FRMD5: variants seen among roughly 807,000 people sequenced by gnomAD.
The protein encoded by FRMD5 is FERM domain containing 5.
Under a neutral mutation model 69.0 loss-of-function variants are expected in FRMD5, and 20 were observed. The observed-to-expected ratio is 0.29, with a 90% CI of 0.20 to 0.42. The LOEUF (loss-of-function observed/expected upper bound fraction) is 0.42. Ranked by LOEUF, FRMD5 falls within the 10% of genes least tolerant of loss-of-function variation. The pLI is 1.00. For synonymous variants in FRMD5, 271 were observed against 260.1 expected (o/e 1.04, Z -0.40); for missense variants, 595 against 708.6 (o/e 0.84, Z 1.82).
chr15:44,147,541 T>C (rs1280032008), intron 1 of FRMD5, among the ~76,000 whole-genome samples: 1 of 152,200 alleles, frequency 6.6e-6, no homozygotes, highest in Non-Finnish European at 1.5e-5. Context: ...GGGAATATCA[T>C]TGAGTCTGTA....
intron 5 of FRMD5, among the ~76,000 whole-genome samples, chr15:43,907,527 C>CTT (rs758126629): frequency 3.0e-4 from 42 of 138,796 alleles, no homozygotes; most frequent in Middle Eastern, 3.8e-3. Context: ...CCAGGCCTAG[C>CTT]TTTTTTTTTT....
chr15:43,956,356 C>T (rs1205415362), intron 1 of FRMD5, among the ~76,000 whole-genome samples: 1 of 152,152 alleles, frequency 6.6e-6, no homozygotes, highest in African/African-American at 2.4e-5. Flanking sequence ...AATCAGCTCT[C>T]ATACAAACAG....
rs557052422 is a variant in FRMD5 at position 43,895,983 on chromosome 15, G to A, written c.640-3914C>T. ...AAAGAGGAGGGAATGAGGACAAGGT[G>A]AGAAGTGAAGAGTCAACAGTCACCT... is the stretch of plus-strand genomic sequence containing the variant. On this transcript the variant is annotated intron_variant, in intron 7 of 13. Transcript: ENST00000417257. 2.0e-5 allele frequency among the ~76,000 whole-genome samples: 3 copies of A among 152,314 alleles called. No individual in the cohort carries two copies. In the East Asian group the frequency reaches 5.8e-4, roughly 29 times the overall value.
At position 44,195,097 on chromosome 15, in the gene FRMD5, A is replaced by C; in HGVS notation, c.-43T>G. On this transcript the variant is annotated 5_prime_UTR_variant, in exon 1 of 14. Coordinates refer to ENST00000417257, the MANE Select transcript of FRMD5 (RefSeq NM_032892.5). ...CGGGAGCGACGCGGCGGCGCTGCGG[A>C]CCCTGGACCAGGCGTCCCTCAGCCC... 8.2e-7 allele frequency: 1 copy of C among 1,219,728 alleles called. No homozygotes were observed. Among genetic ancestry groups the C allele is most frequent in the African/African-American group, 1.7e-5 (1 of 60,256 alleles). The allele number at this position is 1,219,728 out of a possible 1,614,324, so 75.6% of individuals were successfully genotyped here. A position where few individuals can be genotyped will look rare whatever the true frequency, so the allele number is the denominator to read the frequency against.
At position 43,873,391 on chromosome 15, in the gene FRMD5, T is replaced by C. The variant is rs2088217964; in HGVS notation, c.*494A>G. On this transcript the variant is annotated 3_prime_UTR_variant, in exon 14 of 14. Coordinates refer to ENST00000417257, the MANE Select transcript of FRMD5 (RefSeq NM_032892.5). ...GTCCCCATTGTCCAGATCCCTGGCC[T>C]GCCCTGCTGAGGCTGCAGTGATGAG... is the stretch of plus-strand genomic sequence containing the variant. 1.6e-5 allele frequency: 23 copies of C among 1,443,332 alleles called. No homozygotes were observed. The South Asian group carries it at 3.4e-4, about 22-fold the overall frequency. 89.4% of individuals were successfully genotyped at this position (1,443,332 alleles called of 1,614,324 possible). A position where few individuals can be genotyped will look rare whatever the true frequency, so the allele number is the denominator to read the frequency against.
intron 1 of FRMD5, among the ~76,000 whole-genome samples, chr15:44,048,804 C>A (rs751061118): frequency 3.2e-4 from 49 of 152,116 alleles, no homozygotes; most frequent in Non-Finnish European, 2.4e-4. Flanking sequence ...AACTCCTAGC[C>A]TCAAGTAATC....
upstream of FRMD5, chr15:44,195,283 GC>G (rs1373305567): frequency 7.8e-6 from 4 of 510,782 alleles, no homozygotes; most frequent in African/African-American, 2.1e-5. Context: ...TCTCCTCGGC[GC>G]CCCAGTGCCC....
intron 12 of FRMD5, among the ~76,000 whole-genome samples, 176 bp downstream of exon 12, chr15:43,884,551 C>T (rs547062808): frequency 1.3e-5 from 2 of 152,194 alleles, no homozygotes; most frequent in Admixed American, 6.5e-5. Context: ...CCCCAGCTCT[C>T]TTATTAAGGG....
chr15:43,886,590 G>C (rs867019156), intron 10 of FRMD5, among the ~76,000 whole-genome samples: 1 of 152,292 alleles, frequency 6.6e-6, no homozygotes. Context: ...CTATGGTACT[G>C]ATCCAACCAG....
chr15:43,902,080 T>C, intron 7 of FRMD5, 95 bp downstream of exon 7: 4 of 863,692 alleles, frequency 4.6e-6, no homozygotes, highest in Non-Finnish European at 7.7e-6. Context: ...CATGTAAACG[T>C]TGAAGGGGGC....
rs76617851 is a variant in FRMD5 at position 43,943,579 on chromosome 15, G to C, written c.103-19270C>G. Among the ~76,000 whole-genome samples, 429 of 152,320 alleles carry C rather than the reference G, an allele frequency of 2.8e-3. 1 individual carries two copies. Among genetic ancestry groups the C allele is most frequent in the African/African-American group, 9.8e-3 (406 of 41,562 alleles). ...AATTAGTTAAGATGAGGCCATACTG[G>C]ATTAGGGTAGACCTAAATCCAGTTA... is the stretch of plus-strand genomic sequence containing the variant. On this transcript the variant is annotated intron_variant, in intron 1 of 13. Transcript: ENST00000417257.
intron 1 of FRMD5, among the ~76,000 whole-genome samples, chr15:43,996,781 G>C (rs1292946433): frequency 8.5e-6 from 1 of 117,340 alleles, no homozygotes; most frequent in Non-Finnish European, 1.6e-5. Context: ...GCTGCTCAAA[G>C]TGTTCTGCAT....
chr15:44,056,374 C>G lies in FRMD5; in HGVS notation c.103-132065G>C, dbSNP rs16958982. On this transcript the variant is annotated intron_variant, in intron 1 of 13. Transcript: ENST00000417257. ...AATAAACTCTAAATAGCCAGAGCAG[C>G]AGAAATCTCAATATAGGCTAGTCAG... Among the ~76,000 whole-genome samples, 1,191 of 152,220 alleles carry G rather than the reference C, an allele frequency of 7.8e-3. 24 individuals are homozygous for G. The highest frequency in any genetic ancestry group is 0.028 in the African/African-American group (1,142 of 41,518).
chr15:44,058,921 C>T (rs1302202832), intron 1 of FRMD5, among the ~76,000 whole-genome samples: 2 of 151,962 alleles, frequency 1.3e-5, no homozygotes, highest in Non-Finnish European at 2.9e-5. Flanking sequence ...AAGATTTTAT[C>T]TTTTAAATGG....
In FRMD5 at chr15:43,897,487, C is replaced by CAAAA. The variant is rs34243475; in HGVS notation, c.639+4684_639+4687dup. Reference sequence around the variant, plus strand: ...GGGCAACAAGAGTGACACTCCATCTCAAAAAAAAAAAAAAAAAAAAAAAAA... The same window carrying CAAAA: ...GGGCAACAAGAGTGACACTCCATCTCAAAAAAAAAAAAAAAAAAAAAAAAAAAAA... On this transcript the variant is annotated intron_variant, in intron 7 of 13. Coordinates refer to ENST00000417257, the MANE Select transcript of FRMD5 (RefSeq NM_032892.5). Among the ~76,000 whole-genome samples the CAAAA allele has an allele frequency of 3.1e-4, 5 of 16,140 alleles. 1 individual carries two copies. The highest frequency in any genetic ancestry group is 5.2e-4 in the Non-Finnish European group (4 of 7,742). The allele number at this position is 16,140 out of a possible 152,430, so 10.6% of individuals were successfully genotyped here.
chr15:44,107,371 C>G (rs887356700), intron 1 of FRMD5, among the ~76,000 whole-genome samples: 3 of 152,172 alleles, frequency 2.0e-5, no homozygotes, highest in Non-Finnish European at 4.4e-5. Context: ...AGGAACGACA[C>G]AGAAGGACAA....
intron 1 of FRMD5, among the ~76,000 whole-genome samples, chr15:43,930,929 G>C (rs1566842804): frequency 6.6e-6 from 1 of 152,208 alleles, no homozygotes; most frequent in Non-Finnish European, 1.5e-5. Context: ...GACTCAACAA[G>C]GGCAATTAAG....
intron 1 of FRMD5, among the ~76,000 whole-genome samples, chr15:43,995,239 T>C (rs1233009761): frequency 6.6e-6 from 1 of 152,248 alleles, no homozygotes; most frequent in Non-Finnish European, 1.5e-5. Context: ...ATAGCTGTTA[T>C]GCTGTATTGT....
At chr15:44,098,072 C>G (rs1459822819) in intron 1 of FRMD5, among the ~76,000 whole-genome samples, 4 of 142,026 alleles carry the variant, frequency 2.8e-5, no homozygotes, top group African/African-American at 7.8e-5. Context: ...CCTAAAGCAG[C>G]CAGAAAGTAA....
Sources: allele counts gnomAD v4.1 joint callset (sites outside exome capture counted in the v4.1 genomes callset), GRCh38; gene constraint gnomAD v4.1.1; transcripts MANE v1.5; gene names NCBI Gene and HGNC (gene_info 2026-07-23, HGNC 2026-07-21).